Variants in KIT observed in about 807,000 individuals in gnomAD.
KIT encodes KIT proto-oncogene, receptor tyrosine kinase.
KIT carries 16 observed loss-of-function variants against 105.7 expected under a neutral mutation model. The ratio of observed to expected loss-of-function variants is 0.15; its 90% CI spans 0.10 to 0.23. The LOEUF (loss-of-function observed/expected upper bound fraction) is 0.23, where lower values mean the gene tolerates loss of function less well. KIT is among the 10% of genes least tolerant of loss of function. The probability of loss-of-function intolerance (pLI) is 1.00; values close to 1 mark genes in which losing one functional copy is unlikely to be tolerated. For missense variants in KIT, 858 were observed against 1,213.8 expected, an observed-to-expected ratio of 0.71 and a Z score of 4.36; for synonymous variants, 438 against 441.1, an observed-to-expected ratio of 0.99 and a Z score of 0.09.
rs532292131 is a variant in KIT, at chr4:54,666,045, A to G, written c.67+7964A>G. On this transcript the variant is annotated intron_variant, in intron 1 of 20. Coordinates refer to ENST00000288135, the MANE Select transcript of KIT (RefSeq NM_000222.3). ...TTGTTTTTCTCAGAATAAAATGGCCATACTGGGTATAGAGGAGGACATAGA... is the reference window on the plus strand; with the variant it reads ...TTGTTTTTCTCAGAATAAAATGGCCGTACTGGGTATAGAGGAGGACATAGA... Among the ~76,000 whole-genome samples the G allele has an allele frequency of 1.9e-4, 29 of 152,310 alleles. 1 individual carries two copies. The highest frequency in any genetic ancestry group is 5.5e-4 in the African/African-American group (23 of 41,576).
chr4:54,697,573 G>A (rs1344915108), intron 2 of KIT, among the ~76,000 whole-genome samples: 1 of 152,114 alleles, frequency 6.6e-6, no homozygotes, highest in East Asian at 1.9e-4. Context: ...AAGTGTCCTG[G>A]TGGGCTATGG....
rs186899553 is a variant in KIT at position 54,701,024 on chromosome 4, C to T, written c.756+1258C>T. Among the ~76,000 whole-genome samples the T allele has an allele frequency of 1.4e-4, 22 of 152,324 alleles. No homozygotes were observed. The East Asian group carries it at 4.0e-3, about 28-fold the overall frequency. ...TAATCCTTGATTTCAGATGAGAGAA[C>T]AATTTAGACCGGGTGTGCATTTGAG... On this transcript the variant is annotated intron_variant, in intron 4 of 20. Coordinates refer to ENST00000288135, the MANE Select transcript of KIT (RefSeq NM_000222.3).
chr4:54,719,429 G>A (rs189179079), intron 7 of KIT, among the ~76,000 whole-genome samples: 1 of 152,302 alleles, frequency 6.6e-6, no homozygotes, highest in Admixed American at 6.5e-5. Context: ...GTAAATCACT[G>A]GATGTGTAGG....
chr4:54,723,765 A>G, intron 8 of KIT, 67 bp downstream of exon 8: 1 of 986,738 alleles, frequency 1.0e-6, no homozygotes, highest in Non-Finnish European at 1.6e-6. Context: ...CTTGAATTTC[A>G]AATATGTTTT....
intron 1 of KIT, among the ~76,000 whole-genome samples, chr4:54,671,764 T>TA (rs980153016): frequency 6.6e-6 from 1 of 151,998 alleles, no homozygotes; most frequent in African/African-American, 2.4e-5. Flanking sequence ...AACTGAACTT[T>TA]AAAAAAAAGT....
In KIT at chr4:54,727,882, A is replaced by G; in HGVS notation, c.1834A>G (p.Ile612Val). The G allele has an allele frequency of 6.2e-7, 1 of 1,614,026 alleles. No individual in the cohort carries two copies. The highest frequency in any genetic ancestry group is 8.5e-7 in the Non-Finnish European group (1 of 1,180,004). Residue 612 changes from isoleucine to valine, a missense_variant, in exon 12 of 21, where the codon ATT (isoleucine) becomes GTT (valine). This residue lies in a region of KIT where 158 missense variants were observed against 218.7 expected (regional missense o/e 0.72). Transcript: ENST00000288135. The part of the protein sequence containing the change: ...KVVEATAYGL[I>V]KSDAAMTVAV... ...TGTTGAGGCAACTGCTTATGGCTTAATTAAGTCAGATGCGGCCATGACTGT... is the reference window on the plus strand; with the variant it reads ...TGTTGAGGCAACTGCTTATGGCTTAGTTAAGTCAGATGCGGCCATGACTGT...
chr4:54,680,603 G>A (rs559581862), intron 1 of KIT, among the ~76,000 whole-genome samples: 80 of 152,046 alleles, frequency 5.3e-4, no homozygotes, highest in African/African-American at 1.9e-3. Context: ...GTGTTGGGCA[G>A]GCTGGTCTCG....
intron 5 of KIT, 139 bp from the exon 6 acceptor site, chr4:54,706,959 A>T: frequency 1.6e-6 from 1 of 611,578 alleles, no homozygotes; most frequent in Non-Finnish European, 2.9e-6. Context: ...AAAATGAAAA[A>T]CAGCTAGTTA....
chr4:54,661,173 G>C (rs1488109133), intron 1 of KIT, among the ~76,000 whole-genome samples: 1 of 152,184 alleles, frequency 6.6e-6, no homozygotes, highest in Non-Finnish European at 1.5e-5. Context: ...CTTGTGCATA[G>C]GTGTGAAAGA....
chr4:54,709,665 A>G, intron 7 of KIT, 126 bp downstream of exon 7: 2 of 722,960 alleles, frequency 2.8e-6, no homozygotes, highest in South Asian at 1.5e-5. Context: ...CTTGACCTTC[A>G]CAGAGACTTC....
At chr4:54,715,612 G>A (rs533526499) in intron 7 of KIT, among the ~76,000 whole-genome samples, 17 of 152,148 alleles carry the variant, frequency 1.1e-4, no homozygotes, top group Admixed American at 9.2e-4. Context: ...AATAGTGTGA[G>A]GAGTCACTCA....
In KIT at chr4:54,739,468, C is replaced by G. The variant is rs553298726; in HGVS notation, c.*911C>G. The stretch of plus-strand genomic sequence containing the variant: ...TATTCTGTAGATTCTGTGGAACAAG[C>G]CTATCAGCTTCAGAATGGCATTGTA... On this transcript the variant is annotated 3_prime_UTR_variant, in exon 21 of 21. Transcript: ENST00000288135. 3.1e-4 allele frequency: 72 copies of G among 233,406 alleles called. No individual in the cohort carries two copies. Among genetic ancestry groups the G allele is most frequent in the African/African-American group, 1.4e-3 (64 of 45,456 alleles). 14.5% of individuals were successfully genotyped at this position (233,406 alleles called of 1,614,324 possible). A position where few individuals can be genotyped will look rare whatever the true frequency, so the allele number is the denominator to read the frequency against.
chr4:54,686,510 G>A (rs965724980), intron 1 of KIT, among the ~76,000 whole-genome samples: 2 of 152,190 alleles, frequency 1.3e-5, no homozygotes, highest in African/African-American at 4.8e-5. Flanking sequence ...ATGTCAATCA[G>A]TTACCTATCA....
chr4:54,657,964 G>A lies in KIT; in HGVS notation c.-51G>A, dbSNP rs1470256445. 1 of 1,587,998 alleles carries A rather than the reference G, an allele frequency of 6.3e-7. No homozygotes were observed. The highest frequency in any genetic ancestry group is 8.6e-7 in the Non-Finnish European group (1 of 1,158,976). On this transcript the variant is annotated 5_prime_UTR_variant, in exon 1 of 21. Coordinates refer to ENST00000288135, the MANE Select transcript of KIT (RefSeq NM_000222.3). ...GGCTTTGCCGCGCTCGCTGCACTTG[G>A]GCGAGAGCTGGAACGTGGACCAGAG...
intron 1 of KIT, among the ~76,000 whole-genome samples, chr4:54,680,822 GCCCACA>G: frequency 6.6e-6 from 1 of 152,220 alleles, no homozygotes; most frequent in Non-Finnish European, 1.5e-5. Context: ...GCTCACACTC[GCCCACA>G]CCCACACCTG....
chr4:54,666,605 C>G (rs1717715414), intron 1 of KIT, among the ~76,000 whole-genome samples: 2 of 151,950 alleles, frequency 1.3e-5, no homozygotes, highest in Non-Finnish European at 2.9e-5. Context: ...AAAATTCTTT[C>G]ATTAGAAGGG....
chr4:54,676,610 AGTG>A (rs1718490670), intron 1 of KIT, among the ~76,000 whole-genome samples: 1 of 152,116 alleles, frequency 6.6e-6, no homozygotes, highest in Admixed American at 6.5e-5. Flanking sequence ...GCAGGGGAAG[AGTG>A]GTATTTTCAG....
intron 8 of KIT, among the ~76,000 whole-genome samples, chr4:54,724,785 C>G (rs984821093): frequency 6.6e-6 from 1 of 151,870 alleles, no homozygotes; most frequent in African/African-American, 2.4e-5. Flanking sequence ...AAAAAAATCT[C>G]ATAATGTTTT....
intron 7 of KIT, among the ~76,000 whole-genome samples, chr4:54,714,708 C>T (rs1000029898): frequency 1.6e-4 from 24 of 152,170 alleles, no homozygotes; most frequent in Admixed American, 3.9e-4. Context: ...ATTTCCAGGG[C>T]GGTATTATGC....
Sources: allele counts gnomAD v4.1 joint callset (sites outside exome capture counted in the v4.1 genomes callset), GRCh38; gene constraint gnomAD v4.1.1; regional missense constraint gnomAD v4.1.1; transcripts MANE v1.5; gene names NCBI Gene and HGNC (gene_info 2026-07-23, HGNC 2026-07-21).